The following STK32B variants were observed in gnomAD, a reference collection of about 807,000 sequenced individuals.
The protein encoded by STK32B is serine/threonine kinase 32B.
STK32B carries 43 observed loss-of-function variants against 52.6 expected under a neutral mutation model. The ratio of observed to expected loss-of-function variants is 0.82; its 90% CI spans 0.64 to 1.05. The LOEUF (loss-of-function observed/expected upper bound fraction) is 1.05. Ranked by LOEUF, STK32B falls within the 50% of genes least tolerant of loss-of-function variation. The pLI is 0.00. For synonymous variants in STK32B, 238 were observed against 204.3 expected (o/e 1.17, Z -1.41); for missense variants, 621 against 534.6 (o/e 1.16, Z -1.59).
intron 1 of STK32B, among the ~76,000 whole-genome samples, chr4:5,080,742 A>G (rs1390629596): frequency 6.6e-6 from 1 of 152,190 alleles, no homozygotes; most frequent in East Asian, 1.9e-4. Context: ...TATCATAATC[A>G]TATTAATTAA....
At chr4:5,263,702 G>A (rs1332268263) in intron 3 of STK32B, among the ~76,000 whole-genome samples, 1 of 152,106 alleles carries the variant, frequency 6.6e-6, no homozygotes. Context: ...ATTTTGACGT[G>A]TGTATTCAAT....
chr4:5,059,119 T>A (rs997956324), intron 1 of STK32B, among the ~76,000 whole-genome samples: 2 of 142,718 alleles, frequency 1.4e-5, no homozygotes, highest in African/African-American at 5.2e-5. Flanking sequence ...CCCATACTGA[T>A]CTTGAATTCC....
intron 9 of STK32B, among the ~76,000 whole-genome samples, chr4:5,465,944 T>C (rs1470940707): frequency 1.3e-5 from 2 of 152,194 alleles, no homozygotes; most frequent in Non-Finnish European, 1.5e-5. Context: ...ACCCAAACTT[T>C]ACAGCTAATG....
chr4:5,188,164 A>G (rs1041973117), intron 3 of STK32B, among the ~76,000 whole-genome samples: 7 of 152,172 alleles, frequency 4.6e-5, no homozygotes, highest in Non-Finnish European at 8.8e-5. Flanking sequence ...ATAATATCCT[A>G]TAAATTTGCT....
chr4:5,153,496 A>G (rs1288264882), intron 2 of STK32B, among the ~76,000 whole-genome samples: 3 of 151,254 alleles, frequency 2.0e-5, no homozygotes, highest in Non-Finnish European at 4.4e-5. Context: ...GTAAACTTCA[A>G]CATTCATTGG....
chr4:5,170,811 T>G (rs372549544), intron 3 of STK32B, among the ~76,000 whole-genome samples: 1 of 152,216 alleles, frequency 6.6e-6, no homozygotes, highest in South Asian at 2.1e-4. Context: ...TTATAATCCT[T>G]TGGGTATATA....
intron 1 of STK32B, among the ~76,000 whole-genome samples, chr4:5,104,932 A>C (rs1383756436): frequency 6.6e-6 from 1 of 152,206 alleles, no homozygotes; most frequent in Non-Finnish European, 1.5e-5. Context: ...TATGTATTTG[A>C]TAATAGAATA....
intron 3 of STK32B, among the ~76,000 whole-genome samples, chr4:5,223,064 C>T (rs1174467944): frequency 6.6e-6 from 1 of 152,130 alleles, no homozygotes. Context: ...TCTCTGGTTC[C>T]CCACATTCTT....
At chr4:5,027,221 T>C in the STK32B span, among the ~76,000 whole-genome samples, 51 of 152,382 alleles carry the variant, frequency 3.3e-4, no homozygotes, top group African/African-American at 1.1e-3. Flanking sequence ...TTGGCCCACA[T>C]GGCCCAGAGT....
rs903868072 is a variant in STK32B at position 5,470,776 on chromosome 4, A to G, written c.1106+2706A>G. ...ACAAGCATTTTTACTTTAAACCAAG[A>G]AAAAAGTGAGACCTGTTTATCCTTC... is the stretch of plus-strand genomic sequence containing the variant. On this transcript the variant is annotated intron_variant, in intron 11 of 11. Coordinates refer to ENST00000282908, the MANE Select transcript of STK32B (RefSeq NM_018401.3). This position sits in a 1 kb window ranked among gnomAD's most constrained non-coding sequence, Gnocchi z 4.6. 6.6e-6 allele frequency among the ~76,000 whole-genome samples: 1 copy of G among 152,252 alleles called. No individual in the cohort carries two copies. Among genetic ancestry groups the G allele is most frequent in the African/African-American group, 2.4e-5 (1 of 41,474 alleles).
Position 5,167,109 on chromosome 4 carries a change from C to T in STK32B, c.109-1190C>T, listed in dbSNP as rs537612688. ...TTCCCTCAAAGCCTCTTCCTTCACC[C>T]TTACCATCTTCCCATCCTTTAGAGC... On this transcript the variant is annotated intron_variant, in intron 2 of 11. Transcript: ENST00000282908. Among the ~76,000 whole-genome samples the T allele has an allele frequency of 2.0e-5, 3 of 152,328 alleles. No individual in the cohort carries two copies. The South Asian group carries it at 6.2e-4, about 32-fold the overall frequency.
chr4:5,084,746 C>A (rs1712623318), intron 1 of STK32B, among the ~76,000 whole-genome samples: 1 of 151,970 alleles, frequency 6.6e-6, no homozygotes, highest in South Asian at 2.1e-4. Context: ...GAACTTAGTC[C>A]ACTTAGTTTT....
chr4:5,137,811 A>G (rs1171762779), intron 1 of STK32B, among the ~76,000 whole-genome samples: 2 of 152,204 alleles, frequency 1.3e-5, no homozygotes, highest in Non-Finnish European at 2.9e-5. Flanking sequence ...CCAAGAGAGC[A>G]AGTGCATGAG....
chr4:5,213,011 C>T (rs1722995112), intron 3 of STK32B, among the ~76,000 whole-genome samples: 1 of 152,278 alleles, frequency 6.6e-6, no homozygotes, highest in Admixed American at 6.5e-5. Flanking sequence ...AAAACCTGAT[C>T]AGCATGAATT....
Position 5,386,514 on chromosome 4 carries a change from TA to T in STK32B, c.435-11692del, listed in dbSNP as rs1736265915. On this transcript the variant is annotated intron_variant, in intron 4 of 11. Coordinates refer to ENST00000282908, the MANE Select transcript of STK32B (RefSeq NM_018401.3). The surrounding 1 kb of genome is among the most constrained non-coding windows in gnomAD (Gnocchi z 4.5). The stretch of plus-strand genomic sequence containing the variant: ...AAGTGCACATATTTGTAATTTGACC[TA>T]GTAACTGAACATCTCTCAGCCTCAT... 6.6e-6 allele frequency among the ~76,000 whole-genome samples: 1 copy of T among 152,194 alleles called. No individual in the cohort carries two copies. Among genetic ancestry groups the T allele is most frequent in the African/African-American group, 2.4e-5 (1 of 41,444 alleles).
the STK32B span, among the ~76,000 whole-genome samples, chr4:5,032,171 AAG>A: frequency 2.0e-5 from 3 of 148,318 alleles, no homozygotes; most frequent in Non-Finnish European, 4.5e-5. Flanking sequence ...AGCTCCTAGA[AAG>A]AAAAAAAAAA....
chr4:5,116,196 A>G (rs1198164982), intron 1 of STK32B, among the ~76,000 whole-genome samples: 1 of 152,052 alleles, frequency 6.6e-6, no homozygotes, highest in Non-Finnish European at 1.5e-5. Flanking sequence ...ACACACACAC[A>G]CACACGCACA....
At chr4:5,419,014 C>G (rs940082434) in intron 6 of STK32B, among the ~76,000 whole-genome samples, 1 of 152,182 alleles carries the variant, frequency 6.6e-6, no homozygotes, top group Non-Finnish European at 1.5e-5. Context: ...TCGGCTATAA[C>G]TTTCTTATTG....
chr4:5,159,625 ATATGAATATATATATGAATG>A (rs1423313415), intron 2 of STK32B, among the ~76,000 whole-genome samples: 1,501 of 117,622 alleles, frequency 0.013, 275 homozygotes, highest in African/African-American at 0.054. Flanking sequence ...ATATGAATAT[ATATGAATATATATATGAATG>A]TATATGAATA....
Sources: gnomAD v4.1 joint callset for allele counts (sites outside exome capture counted in the v4.1 genomes callset) on GRCh38, gnomAD v4.1.1 for gene constraint, Gnocchi (gnomAD v3.1) non-coding constraint, MANE v1.5 for transcripts, NCBI Gene and HGNC (gene_info 2026-07-23, HGNC 2026-07-21) for gene names.